Variants in USP24 observed in about 807,000 individuals in gnomAD.
USP24 encodes ubiquitin carboxyl-terminal hydrolase 24.
A neutral mutation model predicts 361.6 loss-of-function variants in USP24; 97 were observed. That is an observed-to-expected ratio of 0.27 (90% confidence interval 0.23 to 0.32). The LOEUF (loss-of-function observed/expected upper bound fraction) is 0.32. Ranked by LOEUF, USP24 falls within the 10% of genes least tolerant of loss-of-function variation. USP24 has a pLI of 1.00. For missense variants in USP24, 2,353 were observed against 3,165.6 expected, an observed-to-expected ratio of 0.74 and a Z score of 6.16; for synonymous variants, 1,098 against 1,124.6, an observed-to-expected ratio of 0.98 and a Z score of 0.47.
At chr1:55,098,689 T>C (rs1645553376) in intron 45 of USP24, 131 bp from the exon 46 acceptor site, 2 of 693,034 alleles carry the variant, frequency 2.9e-6, no homozygotes, top group Non-Finnish European at 5.1e-6. Flanking sequence ...CTGTGGTGAA[T>C]GGAGGCTAAA....
chr1:55,123,004 C>T (rs1025240605), intron 36 of USP24, among the ~76,000 whole-genome samples: 1 of 152,028 alleles, frequency 6.6e-6, no homozygotes, highest in African/African-American at 2.4e-5. Flanking sequence ...GGACCTGAGC[C>T]CTGGGGTGCT....
chr1:55,074,590 T>C (rs1320271696), intron 63 of USP24, among the ~76,000 whole-genome samples: 1 of 151,634 alleles, frequency 6.6e-6, no homozygotes, highest in Non-Finnish European at 1.5e-5. Context: ...GCTGAGATCA[T>C]GCCACTGCAC....
intron 1 of USP24, among the ~76,000 whole-genome samples, chr1:55,200,804 C>A (rs7536204): frequency 0.53 from 79,854 of 152,040 alleles, 23,162 homozygotes; most frequent in East Asian, 0.75. Flanking sequence ...AGTGATGTAA[C>A]AAAACTACAT....
intron 45 of USP24, 88 bp from the exon 46 acceptor site, chr1:55,098,646 C>G: frequency 4.1e-6 from 4 of 967,040 alleles, no homozygotes; most frequent in African/African-American, 1.6e-5. Context: ...AATTTAAGGA[C>G]CAAAACAAAA....
intron 1 of USP24, among the ~76,000 whole-genome samples, chr1:55,186,616 A>G (rs1171495630): frequency 6.6e-6 from 1 of 152,246 alleles, no homozygotes; most frequent in Non-Finnish European, 1.5e-5. Context: ...ACATGTTACA[A>G]CATGGAAGAT....
chr1:55,112,686 A>G (rs1345725693), intron 38 of USP24, among the ~76,000 whole-genome samples: 1 of 152,132 alleles, frequency 6.6e-6, no homozygotes, highest in East Asian at 1.9e-4. Flanking sequence ...ACTTCCAATT[A>G]TGTGGTCAAT....
At chr1:55,174,896 G>A (rs567493650) in intron 3 of USP24, among the ~76,000 whole-genome samples, 7 of 152,306 alleles carry the variant, frequency 4.6e-5, no homozygotes, top group Admixed American at 3.9e-4. Context: ...CTCACAAAGT[G>A]CTGGGATTAT....
At chr1:55,103,705 T>A (rs1645698454) in intron 42 of USP24, among the ~76,000 whole-genome samples, 171 bp downstream of exon 42, 1 of 152,240 alleles carries the variant, frequency 6.6e-6, no homozygotes, top group Admixed American at 6.5e-5. Context: ...ATATATTCAG[T>A]ATATTAGAGT....
Position 55,214,813 on chromosome 1 carries a change from A to C in USP24, c.301T>G (p.Tyr101Asp). 9 of 1,222,426 alleles carry C rather than the reference A, an allele frequency of 7.4e-6. No homozygotes were observed. Among genetic ancestry groups the C allele is most frequent in the Non-Finnish European group, 9.3e-6 (9 of 972,492 alleles). 75.7% of individuals were successfully genotyped at this position (1,222,426 alleles called of 1,614,324 possible). Reference protein sequence around the residue: ...GGGGFDPPPAYHEVVDAEKND... With the variant: ...GGGGFDPPPADHEVVDAEKND... ...ACCTCCGCGTCCACCACCTCGTGGT[A>C]GGCGGGCGGGGGGTCGAAGCCGCCC... Residue 101 changes from tyrosine to aspartate, a missense_variant, in exon 1 of 68, where the codon TAC becomes GAC. By Grantham distance (160) the Tyr-to-Asp change is radical. Around this residue, in one of 8 missense-constraint regions of USP24, gnomAD observed 253 missense variants for 255.3 expected, o/e 0.99. Coordinates refer to ENST00000294383, the MANE Select transcript of USP24 (RefSeq NM_015306.3).
At chr1:55,104,556 A>T (rs1005225860) in intron 41 of USP24, among the ~76,000 whole-genome samples, 1 of 152,204 alleles carries the variant, frequency 6.6e-6, no homozygotes, top group African/African-American at 2.4e-5. Flanking sequence ...GCATGAAATC[A>T]AAGGCTTTCT....
At chr1:55,122,053 G>C (rs1204707947) in intron 36 of USP24, among the ~76,000 whole-genome samples, 1 of 152,010 alleles carries the variant, frequency 6.6e-6, no homozygotes, top group Non-Finnish European at 1.5e-5. Context: ...GATTCATCAG[G>C]GAACAAAATG....
In USP24 at chr1:55,071,503, A is replaced by G. The variant is rs1644917888; in HGVS notation, c.7800+311T>C. 3 of 1,107,420 alleles carry G rather than the reference A, an allele frequency of 2.7e-6. No homozygotes were observed. The South Asian group carries it at 1.1e-4, about 39-fold the overall frequency. 68.6% of individuals were successfully genotyped at this position (1,107,420 alleles called of 1,614,324 possible). ...GACTTTCAGTAACCTGGCAAGGCAGAATAAAGTGAACAAGCTGGAACGAAT... is the reference window on the plus strand; with the variant it reads ...GACTTTCAGTAACCTGGCAAGGCAGGATAAAGTGAACAAGCTGGAACGAAT... On this transcript the variant is annotated intron_variant, in intron 67 of 67. Coordinates refer to ENST00000294383, the MANE Select transcript of USP24 (RefSeq NM_015306.3).
chr1:55,203,591 G>A (rs1436372615), intron 1 of USP24, among the ~76,000 whole-genome samples: 2 of 152,092 alleles, frequency 1.3e-5, no homozygotes, highest in Admixed American at 6.5e-5. Context: ...ATTAATATTC[G>A]TCTCCCATAT....
rs190045703 is a variant in USP24 at position 55,136,571 on chromosome 1, G to T, written c.3201+944C>A. ...ATATGCCAGGTGAGGCATGGTGATT[G>T]CCTAGACTGGTGTGCAAGCTGTGGA... On this transcript the variant is annotated intron_variant, in intron 28 of 67. Coordinates refer to ENST00000294383, the MANE Select transcript of USP24 (RefSeq NM_015306.3). 1.4e-4 allele frequency among the ~76,000 whole-genome samples: 22 copies of T among 152,272 alleles called. 1 individual carries two copies. In the East Asian group the frequency reaches 3.1e-3, roughly 21 times the overall value.
intron 46 of USP24, 28 bp from the exon 47 acceptor site, chr1:55,098,112 A>T (rs1237489552): frequency 1.3e-6 from 2 of 1,564,184 alleles, no homozygotes; most frequent in African/African-American, 2.7e-5. Context: ...GAAAACCCAC[A>T]ATCAACAATG....
intron 1 of USP24, 126 bp downstream of exon 1, chr1:55,214,664 C>A: frequency 2.4e-6 from 2 of 841,958 alleles, no homozygotes; most frequent in South Asian, 5.7e-5. Flanking sequence ...TCTCTCTCCG[C>A]CCCGCCCCCA....
At chr1:55,156,893 T>C in intron 12 of USP24, 55 bp downstream of exon 12, 3 of 1,298,536 alleles carry the variant, frequency 2.3e-6, no homozygotes, top group Non-Finnish European at 3.3e-6. Flanking sequence ...CCCTTTTCGC[T>C]CTCCTGTAGT....
Position 55,189,130 on chromosome 1 carries a change from A to T in USP24, c.325-10998T>A, listed in dbSNP as rs367653762. 2.1e-4 allele frequency among the ~76,000 whole-genome samples: 32 copies of T among 152,302 alleles called. 2 individuals carry two copies. The East Asian group carries it at 3.1e-3, about 15-fold the overall frequency. ...TCAAAGGTTACTAAGTTTCCACTTG[A>T]CATAACAATTCCATTCATACAAATA... On this transcript the variant is annotated intron_variant, in intron 1 of 67. Transcript: ENST00000294383.
intron 32 of USP24, among the ~76,000 whole-genome samples, chr1:55,126,236 C>G (rs1018784164): frequency 8.5e-5 from 13 of 152,260 alleles, no homozygotes; most frequent in Admixed American, 7.2e-4. Flanking sequence ...CCTGTGGCCT[C>G]TGCCGGCACC....
Sources: allele counts gnomAD v4.1 joint callset (sites outside exome capture counted in the v4.1 genomes callset), GRCh38; gene constraint gnomAD v4.1.1; regional missense constraint gnomAD v4.1.1; transcripts MANE v1.5; gene names NCBI Gene and HGNC (gene_info 2026-07-23, HGNC 2026-07-21).